Variants in IQSEC3 observed in about 807,000 individuals in gnomAD.
IQSEC3 encodes the protein IQ motif and SEC7 domain-containing protein 3.
Under a neutral mutation model 105.4 loss-of-function variants are expected in IQSEC3, and 50 were observed. The ratio of observed to expected loss-of-function variants is 0.47; its 90% CI spans 0.38 to 0.60. IQSEC3 has a LOEUF of 0.60. IQSEC3 is among the 20% of genes least tolerant of loss of function. IQSEC3 has a pLI of 0.00. For synonymous variants in IQSEC3, 708 were observed against 746.0 expected (o/e 0.95, Z 0.83); for missense variants, 1,415 against 1,630.0 (o/e 0.87, Z 2.27).
At chr12:120,864 C>T (rs1865195121) in intron 2 of IQSEC3, among the ~76,000 whole-genome samples, 1 of 152,156 alleles carries the variant, frequency 6.6e-6, no homozygotes, top group Admixed American at 6.5e-5. Context: ...CTGAAGGACC[C>T]CTTCATCTTG....
At chr12:90,523 G>C (rs918670094) in intron 1 of IQSEC3, among the ~76,000 whole-genome samples, 14 of 152,184 alleles carry the variant, frequency 9.2e-5, no homozygotes, top group Admixed American at 6.5e-5. Context: ...GGCATGGATT[G>C]AAGTCTATTT....
rs1865296540 is a variant in IQSEC3 at position 123,856 on chromosome 12, T to C, written c.624-1777T>C. Among the ~76,000 whole-genome samples the C allele has an allele frequency of 2.0e-5, 3 of 152,058 alleles. No individual in the cohort carries two copies. In the South Asian group the frequency reaches 6.2e-4, roughly 32 times the overall value. ...ACCACCCTGGGCCCCTGTTCCTCATTTATAAAAATGGGGAGGTTGGGAGGC... is the reference window on the plus strand; with the variant it reads ...ACCACCCTGGGCCCCTGTTCCTCATCTATAAAAATGGGGAGGTTGGGAGGC... On this transcript the variant is annotated intron_variant, in intron 2 of 13. Transcript: ENST00000538872.
rs758113963 is a variant in IQSEC3 at position 174,652 on chromosome 12, CGA to C, written c.3172_3173del (p.Arg1058GlyfsTer12). 1 of 1,586,536 alleles carries C rather than the reference CGA, an allele frequency of 6.3e-7. No individual in the cohort carries two copies. The highest frequency in any genetic ancestry group is 8.5e-7 in the Non-Finnish European group (1 of 1,173,442). On this transcript the variant is annotated frameshift_variant, in exon 14 of 14. Transcript: ENST00000538872. LOFTEE classifies it high-confidence loss of function. ...TSQHNSGLGA[E>X]RGAPVPPPDL... ...CCCAGCACAACTCCGGGCTGGGGGCCGAGAGGGGAGCGCCGGTGCCGCCGCCA... is the reference window on the plus strand; with the variant it reads ...CCCAGCACAACTCCGGGCTGGGGGCCGAGGGGAGCGCCGGTGCCGCCGCCA...
At chr12:92,680 TG>T (rs1192379505) in intron 1 of IQSEC3, among the ~76,000 whole-genome samples, 2 of 152,232 alleles carry the variant, frequency 1.3e-5, no homozygotes, top group African/African-American at 4.8e-5. Flanking sequence ...CTCGACCTGC[TG>T]GGACCCTGTC....
In IQSEC3 at chr12:138,697, G is replaced by A. The variant is rs376048966; in HGVS notation, c.1334G>A (p.Gly445Glu). 36 of 1,526,378 alleles carry A rather than the reference G, an allele frequency of 2.4e-5. 1 individual carries two copies. In the South Asian group the frequency reaches 4.0e-4, roughly 17 times the overall value. The allele number at this position is 1,526,378 out of a possible 1,614,324, so 94.6% of individuals were successfully genotyped here. The stretch of plus-strand genomic sequence containing the variant: ...CACCAGGCCCTGCAGGCGGCCGCGG[G>A]GCCCCCAGGCCTGGAGGCCGAGGGG... Reference protein sequence around the residue: ...QLHQALQAAAGPPGLEAEGRA... With the variant: ...QLHQALQAAAEPPGLEAEGRA... Residue 445 changes from glycine to glutamate, a missense_variant, in exon 4 of 14, where the codon GGG (glycine) becomes GAG (glutamate). This residue lies in a region of IQSEC3 where 720 missense variants were observed against 633.0 expected (regional missense o/e 1.14). Coordinates refer to ENST00000538872, the MANE Select transcript of IQSEC3 (RefSeq NM_001170738.2). The surrounding 1 kb of genome is among the most constrained non-coding windows in gnomAD (Gnocchi z 7.1).
intron 13 of IQSEC3, 182 bp downstream of exon 13, chr12:171,343 A>G (rs782256534): frequency 6.2e-7 from 1 of 1,608,920 alleles, no homozygotes; most frequent in Non-Finnish European, 8.5e-7. Context: ...CCACTGTTCC[A>G]GCGCCTAATT....
chr12:92,999 G>A (rs923352231), intron 1 of IQSEC3, among the ~76,000 whole-genome samples: 1 of 152,202 alleles, frequency 6.6e-6, no homozygotes, highest in Non-Finnish European at 1.5e-5. Context: ...GGTCAGGAAG[G>A]TGAATGAATA....
At chr12:153,221 C>T (rs1329755667) in intron 5 of IQSEC3, among the ~76,000 whole-genome samples, 3 of 152,054 alleles carry the variant, frequency 2.0e-5, no homozygotes, top group African/African-American at 7.3e-5. Flanking sequence ...ATGAGCAGGG[C>T]TTATGGTAGA....
At chr12:155,918 G>A (rs1360696062) in intron 5 of IQSEC3, among the ~76,000 whole-genome samples, 3 of 152,166 alleles carry the variant, frequency 2.0e-5, no homozygotes, top group African/African-American at 7.2e-5. Flanking sequence ...AATCTAACGC[G>A]CTTGGTCTGC....
At chr12:163,473 G>T (rs782663950) in intron 8 of IQSEC3, 21 bp from the exon 9 acceptor site, 5 of 1,590,728 alleles carry the variant, frequency 3.1e-6, no homozygotes, top group Non-Finnish European at 8.6e-7. Context: ...CTCTCCCGCT[G>T]AGCGCCCTGC....
intron 2 of IQSEC3, among the ~76,000 whole-genome samples, chr12:124,997 C>T (rs1264146955): frequency 6.6e-6 from 1 of 152,120 alleles, no homozygotes; most frequent in Non-Finnish European, 1.5e-5. Flanking sequence ...AGCCCCCACA[C>T]CTGGAGTCCA....
Position 106,591 on chromosome 12 carries a change from TGA to T in IQSEC3, c.623+7382_623+7383del, listed in dbSNP as rs1864661362. The T allele has an allele frequency of 2.0e-5, 3 of 152,378 alleles. No individual in the cohort carries two copies. The South Asian group carries it at 6.2e-4, about 32-fold the overall frequency. 9.4% of individuals were successfully genotyped at this position (152,378 alleles called of 1,614,324 possible). On this transcript the variant is annotated intron_variant, in intron 2 of 13. Transcript: ENST00000538872. ...CTAAAGATAATACTTCCAGAACAAG[TGA>T]GAGATGCCACGAGGAACATCTAAGC...
rs376465020 is a variant in IQSEC3 at position 165,328 on chromosome 12, A to G, written c.2710-106A>G. On this transcript the variant is annotated intron_variant, in intron 9 of 13. Coordinates refer to ENST00000538872, the MANE Select transcript of IQSEC3 (RefSeq NM_001170738.2). ...TATCTGTACCTGTATGTGCACATTC[A>G]TCACTGCGTGGGTTTGTGTGATCGT... 20 of 807,724 alleles carry G rather than the reference A, an allele frequency of 2.5e-5. No individual in the cohort carries two copies. The African/African-American group carries it at 3.0e-4, about 12-fold the overall frequency. The allele number at this position is 807,724 out of a possible 1,614,324, so 50.0% of individuals were successfully genotyped here.
At chr12:130,110 A>T (rs1162188537) in intron 3 of IQSEC3, among the ~76,000 whole-genome samples, 1 of 152,152 alleles carries the variant, frequency 6.6e-6, no homozygotes, top group Non-Finnish European at 1.5e-5. Context: ...CAGTTCAGGG[A>T]ACAGCACTGC....
intron 3 of IQSEC3, among the ~76,000 whole-genome samples, chr12:131,016 C>T (rs1865574902): frequency 2.1e-5 from 1 of 47,748 alleles, no homozygotes; most frequent in Admixed American, 1.7e-4. Flanking sequence ...CAGCTAGCGG[C>T]TCTTCCTCCC....
chr12:78,802 A>AG (rs1182291301), intron 1 of IQSEC3, among the ~76,000 whole-genome samples: 1 of 152,116 alleles, frequency 6.6e-6, no homozygotes, highest in Non-Finnish European at 1.5e-5. Flanking sequence ...GTAAAGCGTC[A>AG]GGCAAGCCGA....
At position 138,836 on chromosome 12, in the gene IQSEC3, G is replaced by C; in HGVS notation, c.1473G>C (p.Gln491His). 6.2e-7 allele frequency: 1 copy of C among 1,612,164 alleles called. No individual in the cohort carries two copies. The highest frequency in any genetic ancestry group is 1.1e-5 in the South Asian group (1 of 90,938). ...LMMAFRDVTV[Q>H]IANQNISVSS... ...TGGCTTTCCGGGACGTCACGGTGCA[G>C]ATCGCCAACCAGAACATATCCGTCT... The change falls in exon 4 of 14, where the codon CAG (glutamine) becomes CAC (histidine). Residue 491 changes from glutamine (Q) to histidine (H), a missense_variant. Transcript: ENST00000538872. This position sits in a 1 kb window ranked among gnomAD's most constrained non-coding sequence, Gnocchi z 7.1.
intron 2 of IQSEC3, among the ~76,000 whole-genome samples, chr12:102,953 T>C (rs1174271924): frequency 2.0e-5 from 3 of 152,090 alleles, no homozygotes; most frequent in African/African-American, 4.8e-5. Context: ...GCAATGTATG[T>C]CTGCCAGGGT....
At chr12:70,339 C>G (rs1268627656) in intron 1 of IQSEC3, among the ~76,000 whole-genome samples, 2 of 152,252 alleles carry the variant, frequency 1.3e-5, no homozygotes, top group African/African-American at 4.8e-5. Context: ...GGCCTCTCTC[C>G]CTCCTTCAGC....
Sources: allele counts gnomAD v4.1 joint callset (sites outside exome capture counted in the v4.1 genomes callset), GRCh38; gene constraint gnomAD v4.1.1; regional missense constraint gnomAD v4.1.1; non-coding constraint Gnocchi (gnomAD v3.1); transcripts MANE v1.5; gene names NCBI Gene and HGNC (gene_info 2026-07-23, HGNC 2026-07-21).